CCDC15: variants seen among roughly 807,000 people sequenced by gnomAD.
The protein encoded by CCDC15 is coiled-coil domain-containing protein 15.
A neutral mutation model predicts 114.5 loss-of-function variants in CCDC15; 105 were observed. The ratio of observed to expected loss-of-function variants is 0.92; its 90% CI spans 0.78 to 1.08. The LOEUF (loss-of-function observed/expected upper bound fraction) is 1.08, where lower values mean the gene tolerates loss of function less well. Ranked by LOEUF, CCDC15 falls within the 50% of genes least tolerant of loss-of-function variation. The probability of loss-of-function intolerance (pLI) is 0.00; values close to 1 mark genes in which losing one functional copy is unlikely to be tolerated. For synonymous variants in CCDC15, 334 were observed against 377.8 expected (o/e 0.88, Z 1.34); for missense variants, 1,105 against 1,093.6 (o/e 1.01, Z -0.15).
Position 124,975,044 on chromosome 11 carries a change from G to C in CCDC15, c.517-52G>C, listed in dbSNP as rs1254240559. On this transcript the variant is annotated intron_variant, in intron 4 of 15. Transcript: ENST00000344762. ...CCTGTTGGAACACTTAGTGCATTTG[G>C]AATTAAAACTTATCCTGCTTTTGTT... 4 of 1,162,178 alleles carry C rather than the reference G, an allele frequency of 3.4e-6. No individual in the cohort carries two copies. In the African/African-American group the frequency reaches 4.8e-5, roughly 14 times the overall value. The allele number at this position is 1,162,178 out of a possible 1,614,324, so 72.0% of individuals were successfully genotyped here.
At position 125,039,153 on chromosome 11, in the gene CCDC15, T is replaced by C. The variant is rs954768502; in HGVS notation, c.2734+84T>C. 4.6e-6 allele frequency: 6 copies of C among 1,304,164 alleles called. No homozygotes were observed. In the South Asian group the frequency reaches 4.9e-5, roughly 11 times the overall value. The allele number at this position is 1,304,164 out of a possible 1,614,324, so 80.8% of individuals were successfully genotyped here. Reference sequence around the variant, plus strand: ...AGTGGTAATAGTAATTTACCATTTATTGAGTGCTTACTATGTATCAGAGAC... The same window carrying C: ...AGTGGTAATAGTAATTTACCATTTACTGAGTGCTTACTATGTATCAGAGAC... On this transcript the variant is annotated intron_variant, in intron 15 of 15. Coordinates refer to ENST00000344762, the MANE Select transcript of CCDC15 (RefSeq NM_025004.3).
intron 11 of CCDC15, among the ~76,000 whole-genome samples, chr11:124,999,964 T>C (rs963605141): frequency 1.3e-5 from 2 of 148,918 alleles, no homozygotes; most frequent in Non-Finnish European, 3.0e-5. Flanking sequence ...TGAGTTCAAG[T>C]GATTCTCGTG....
chr11:125,033,552 AAG>A (rs1302632421), intron 13 of CCDC15, among the ~76,000 whole-genome samples: 1 of 152,168 alleles, frequency 6.6e-6, no homozygotes, highest in African/African-American at 2.4e-5. Context: ...CTATTTTGGA[AAG>A]CATTGGTTAA....
chr11:124,977,760 A>G (rs1947999415), intron 6 of CCDC15, among the ~76,000 whole-genome samples, 160 bp downstream of exon 6: 2 of 152,190 alleles, frequency 1.3e-5, no homozygotes, highest in South Asian at 2.1e-4. Flanking sequence ...TTTAAAGTGT[A>G]CAATTCATTG....
chr11:124,985,484 C>T (rs527347065), intron 6 of CCDC15, among the ~76,000 whole-genome samples: 24 of 152,260 alleles, frequency 1.6e-4, no homozygotes, highest in African/African-American at 5.8e-4. Flanking sequence ...TCCTCCAACA[C>T]TTATTATTGT....
intron 13 of CCDC15, among the ~76,000 whole-genome samples, chr11:125,018,189 CTTAT>C (rs1328013396): frequency 2.0e-5 from 3 of 151,992 alleles, no homozygotes; most frequent in Admixed American, 2.0e-4. Flanking sequence ...TGGTAAGTGC[CTTAT>C]TTAAGTATAA....
At chr11:124,956,692 A>G (rs1397041002) in intron 2 of CCDC15, among the ~76,000 whole-genome samples, 1 of 152,232 alleles carries the variant, frequency 6.6e-6, no homozygotes, top group African/African-American at 2.4e-5. Flanking sequence ...GTCTTGGAAC[A>G]TGGATAAACA....
rs183666201 is a variant in CCDC15, at chr11:125,016,300, A to G, written c.2411+11088A>G. ...CCTTTGTGTATGTTTTTTTCCTCAC[A>G]TGCTTTTTTCTCCCTTGAAATATAA... On this transcript the variant is annotated intron_variant, in intron 13 of 15. Coordinates refer to ENST00000344762, the MANE Select transcript of CCDC15 (RefSeq NM_025004.3). Among the ~76,000 whole-genome samples, 5 of 150,882 alleles carry G rather than the reference A, an allele frequency of 3.3e-5. No individual in the cohort carries two copies. The East Asian group carries it at 7.7e-4, about 23-fold the overall frequency.
chr11:125,028,123 C>T (rs1426320908), intron 13 of CCDC15, among the ~76,000 whole-genome samples: 1 of 152,170 alleles, frequency 6.6e-6, no homozygotes, highest in African/African-American at 2.4e-5. Flanking sequence ...ACTACGGGCA[C>T]TAAGTATGTA....
At chr11:124,990,940 G>A (rs771802105) in intron 8 of CCDC15, among the ~76,000 whole-genome samples, 9 of 152,154 alleles carry the variant, frequency 5.9e-5, no homozygotes, top group African/African-American at 7.2e-5. Flanking sequence ...GGTTGTGGTT[G>A]GACTTTTGTG....
intron 13 of CCDC15, among the ~76,000 whole-genome samples, chr11:125,008,977 G>A (rs1948570380): frequency 6.6e-6 from 1 of 152,162 alleles, no homozygotes; most frequent in Admixed American, 6.5e-5. Context: ...CTAGCACTTT[G>A]GGAGGCTGAG....
At chr11:125,006,680 T>C (rs1321706102) in intron 13 of CCDC15, among the ~76,000 whole-genome samples, 1 of 152,212 alleles carries the variant, frequency 6.6e-6, no homozygotes, top group Non-Finnish European at 1.5e-5. Context: ...TGATCCACTT[T>C]GTTAATTTTT....
intron 11 of CCDC15, among the ~76,000 whole-genome samples, chr11:124,996,885 A>G (rs1948381603): frequency 6.6e-6 from 1 of 152,220 alleles, no homozygotes; most frequent in African/African-American, 2.4e-5. Flanking sequence ...AAGGCTGAAT[A>G]GCATTCCACT....
At chr11:124,966,474 T>C (rs1027834541) in intron 4 of CCDC15, among the ~76,000 whole-genome samples, 1 of 142,092 alleles carries the variant, frequency 7.0e-6, no homozygotes, top group Non-Finnish European at 1.5e-5. Context: ...TTTTTTTTTT[T>C]GTTTGTTTTC....
chr11:125,018,920 G>C (rs1205628644), intron 13 of CCDC15, among the ~76,000 whole-genome samples: 1 of 151,922 alleles, frequency 6.6e-6, no homozygotes, highest in Non-Finnish European at 1.5e-5. Flanking sequence ...GAGGGGAAAG[G>C]CTGGACAGGA....
At chr11:125,040,052 G>GT (rs5795442) in intron 15 of CCDC15, among the ~76,000 whole-genome samples, 28,023 of 145,922 alleles carry the variant, frequency 0.19, 3,002 homozygotes, top group African/African-American at 0.29. Flanking sequence ...TTTTGTTTTT[G>GT]TTTTTTTTTT....
At chr11:124,993,062 C>T (rs961810652) in intron 10 of CCDC15, 107 bp from the exon 11 acceptor site, 33 of 692,468 alleles carry the variant, frequency 4.8e-5, no homozygotes, top group Non-Finnish European at 8.1e-5. Flanking sequence ...GTTCTATTAT[C>T]CTCACCTAGT....
chr11:125,019,792 A>C (rs1948650228), intron 13 of CCDC15, among the ~76,000 whole-genome samples: 1 of 151,994 alleles, frequency 6.6e-6, no homozygotes, highest in African/African-American at 2.4e-5. Context: ...AAGGAAATCC[A>C]AGTAGAGAGT....
intron 11 of CCDC15, among the ~76,000 whole-genome samples, chr11:124,997,420 G>C (rs1392652064): frequency 1.3e-5 from 2 of 152,072 alleles, no homozygotes; most frequent in African/African-American, 2.4e-5. Context: ...CTCCTAAGTA[G>C]CTAGGACTAG....
Sources: allele counts gnomAD v4.1 joint callset (sites outside exome capture counted in the v4.1 genomes callset), GRCh38; gene constraint gnomAD v4.1.1; transcripts MANE v1.5; gene names NCBI Gene and HGNC (gene_info 2026-07-23, HGNC 2026-07-21).